Variants in RAI14 observed in about 807,000 individuals in gnomAD.
The protein encoded by RAI14 is ankycorbin.
In RAI14, 45 loss-of-function variants were observed where a neutral mutation model predicts 115.4. The ratio of observed to expected loss-of-function variants is 0.39; its 90% CI spans 0.31 to 0.50. The LOEUF (loss-of-function observed/expected upper bound fraction) is 0.50, where lower values mean the gene tolerates loss of function less well. Among genes scored for constraint, RAI14 ranks in the 20% least tolerant of loss-of-function variants. The probability of loss-of-function intolerance (pLI) is 0.85; values close to 1 mark genes in which losing one functional copy is unlikely to be tolerated. For missense variants in RAI14, 939 were observed against 1,131.2 expected (o/e 0.83, Z 2.44); for synonymous variants, 371 against 415.4 (o/e 0.89, Z 1.30).
chr5:34,762,035 C>G (rs574271955), intron 3 of RAI14, among the ~76,000 whole-genome samples: 2 of 152,330 alleles, frequency 1.3e-5, no homozygotes, highest in Non-Finnish European at 2.9e-5. Context: ...AGTAAAGCTC[C>G]CTAAGGACAG....
At chr5:34,822,800 C>G (rs1757024609) in intron 14 of RAI14, among the ~76,000 whole-genome samples, 156 bp from the exon 15 acceptor site, 2 of 150,486 alleles carry the variant, frequency 1.3e-5, no homozygotes, top group Admixed American at 6.7e-5. Flanking sequence ...TCTCTTGCCT[C>G]AGCCTCCCGA....
intron 3 of RAI14, among the ~76,000 whole-genome samples, chr5:34,787,925 TTTTTTTTTG>T (rs2150182744): frequency 1.8e-5 from 2 of 109,372 alleles, no homozygotes; most frequent in Non-Finnish European, 3.7e-5. Context: ...TTTTTTTTTT[TTTTTTTTTG>T]AGACAGGGTC....
At chr5:34,695,709 G>C (rs1739146708) in intron 2 of RAI14, among the ~76,000 whole-genome samples, 1 of 151,932 alleles carries the variant, frequency 6.6e-6, no homozygotes, top group African/African-American at 2.4e-5. Context: ...TTTTTAATGT[G>C]GCTACTAGAA....
At chr5:34,723,266 A>G (rs1743027056) in intron 2 of RAI14, among the ~76,000 whole-genome samples, 1 of 151,994 alleles carries the variant, frequency 6.6e-6, no homozygotes. Context: ...TATAGAGAGA[A>G]AAAAAAAGGA....
At position 34,778,081 on chromosome 5, in the gene RAI14, A is replaced by G. The variant is rs180898875; in HGVS notation, c.168-17858A>G. ...CCCAAATGCTCTGACCTGAATTATA[A>G]TCTATGCATGTAACAAATATTCACA... On this transcript the variant is annotated intron_variant, in intron 3 of 17. Coordinates refer to ENST00000265109, the MANE Select transcript of RAI14 (RefSeq NM_015577.3). Among the ~76,000 whole-genome samples, 570 of 152,344 alleles carry G rather than the reference A, an allele frequency of 3.7e-3. 3 individuals carry two copies. Among genetic ancestry groups the G allele is most frequent in the African/African-American group, 0.013 (556 of 41,572 alleles).
intron 3 of RAI14, among the ~76,000 whole-genome samples, chr5:34,789,646 A>G (rs1006301503): frequency 6.6e-6 from 1 of 152,048 alleles, no homozygotes; most frequent in African/African-American, 2.4e-5. Flanking sequence ...AACTTCTGCT[A>G]CTTCTCCTTT....
chr5:34,828,667 A>G (rs1430538645), intron 16 of RAI14, among the ~76,000 whole-genome samples: 1 of 152,158 alleles, frequency 6.6e-6, no homozygotes, highest in Non-Finnish European at 1.5e-5. Context: ...AATTTTCATG[A>G]TGAATTAGGA....
At position 34,818,811 on chromosome 5, in the gene RAI14, T is replaced by C. The variant is rs201763234; in HGVS notation, c.954T>C (p.Ser318=). 1 of 1,611,868 alleles carries C rather than the reference T, an allele frequency of 6.2e-7. No homozygotes were observed. The highest frequency in any genetic ancestry group is 1.1e-5 in the South Asian group (1 of 90,644). ...AEPPFKAEIS[S]IRENKDRLSD... The stretch of plus-strand genomic sequence containing the variant: ...TGTTTCAATAGGCTGAGATCAGTTC[T>C]ATACGAGAAAACAAAGACAGACTAA... The change falls in exon 13 of 18, where the codon TCT becomes TCC. Residue 318 remains serine (S), a synonymous_variant. Coordinates refer to ENST00000265109, the MANE Select transcript of RAI14 (RefSeq NM_015577.3).
intron 13 of RAI14, among the ~76,000 whole-genome samples, chr5:34,820,936 A>T (rs1019711804): frequency 2.6e-5 from 4 of 152,322 alleles, no homozygotes; most frequent in Non-Finnish European, 5.9e-5. Context: ...GTTTGACATG[A>T]TGCTTAAGAA....
chr5:34,708,318 G>T (rs1043729779), intron 2 of RAI14, among the ~76,000 whole-genome samples: 1 of 151,446 alleles, frequency 6.6e-6, no homozygotes. Flanking sequence ...TTCTCCTGCC[G>T]TAGCCTCCCG....
intron 2 of RAI14, among the ~76,000 whole-genome samples, chr5:34,742,527 T>C (rs1408990660): frequency 6.6e-6 from 1 of 152,226 alleles, no homozygotes; most frequent in Non-Finnish European, 1.5e-5. Flanking sequence ...TGCTTTTTTT[T>C]TAATCATAAA....
intron 1 of RAI14, among the ~76,000 whole-genome samples, chr5:34,677,683 C>A (rs1744088000): frequency 6.6e-6 from 1 of 152,138 alleles, no homozygotes; most frequent in African/African-American, 2.4e-5. Context: ...AAGTGATCTT[C>A]CCATCTTGGC....
Position 34,799,877 on chromosome 5 carries a change from C to T in RAI14, c.257-3835C>T, listed in dbSNP as rs900975545. Among the ~76,000 whole-genome samples, 5 of 151,864 alleles carry T rather than the reference C, an allele frequency of 3.3e-5. No homozygotes were observed. The East Asian group carries it at 5.8e-4, about 18-fold the overall frequency. ...TAATTTTTTGTATTTTTAGTAGGGA[C>T]GGGGTTTCACCGTGTTAGCCAGGCT... On this transcript the variant is annotated intron_variant, in intron 4 of 17. Coordinates refer to ENST00000265109, the MANE Select transcript of RAI14 (RefSeq NM_015577.3).
At chr5:34,788,710 C>T (rs929777759) in intron 3 of RAI14, among the ~76,000 whole-genome samples, 1 of 152,160 alleles carries the variant, frequency 6.6e-6, no homozygotes, top group African/African-American at 2.4e-5. Context: ...TGGCTCACGC[C>T]TGTAATCCCA....
chr5:34,809,826 C>T (rs1350970312), intron 7 of RAI14, among the ~76,000 whole-genome samples: 2 of 152,118 alleles, frequency 1.3e-5, no homozygotes, highest in African/African-American at 4.8e-5. Flanking sequence ...TGGATAACTT[C>T]TACGTAGAAT....
chr5:34,759,425 G>A (rs1053632067), intron 3 of RAI14, among the ~76,000 whole-genome samples: 1 of 152,116 alleles, frequency 6.6e-6, no homozygotes, highest in Admixed American at 6.6e-5. Flanking sequence ...TGTATTTACA[G>A]CCACTCCCCA....
At chr5:34,704,841 C>G (rs1311835611) in intron 2 of RAI14, among the ~76,000 whole-genome samples, 1 of 152,228 alleles carries the variant, frequency 6.6e-6, no homozygotes, top group Non-Finnish European at 1.5e-5. Flanking sequence ...AAGAAATACT[C>G]TTTCTGTGAG....
At chr5:34,829,108 T>G (rs376036832) in intron 16 of RAI14, among the ~76,000 whole-genome samples, 3 of 151,270 alleles carry the variant, frequency 2.0e-5, no homozygotes, top group Non-Finnish European at 4.4e-5. Flanking sequence ...CATAAGTATA[T>G]GTACATATAT....
chr5:34,722,674 C>T (rs1397025360), intron 2 of RAI14, among the ~76,000 whole-genome samples: 2 of 151,818 alleles, frequency 1.3e-5, no homozygotes, highest in Non-Finnish European at 2.9e-5. Flanking sequence ...GGTGAAACCC[C>T]GTCTCTACTA....
Sources: allele counts gnomAD v4.1 joint callset (sites outside exome capture counted in the v4.1 genomes callset), GRCh38; gene constraint gnomAD v4.1.1; transcripts MANE v1.5; gene names NCBI Gene and HGNC (gene_info 2026-07-23, HGNC 2026-07-21).